The following SUGCT variants were observed in gnomAD, a reference collection of about 807,000 sequenced individuals.
SUGCT encodes the protein succinyl-CoA:glutarate-CoA transferase.
SUGCT carries 41 observed loss-of-function variants against 55.0 expected under a neutral mutation model. The ratio of observed to expected loss-of-function variants is 0.74; its 90% CI spans 0.58 to 0.97. The LOEUF (loss-of-function observed/expected upper bound fraction) is 0.97, where lower values mean the gene tolerates loss of function less well. Among genes scored for constraint, SUGCT ranks in the 50% least tolerant of loss-of-function variants. The pLI is 0.00. For synonymous variants in SUGCT, 187 were observed against 200.4 expected (o/e 0.93, Z 0.56); for missense variants, 568 against 547.8 (o/e 1.04, Z -0.37).
intron 7 of SUGCT, 81 bp downstream of exon 7, chr7:40,237,807 A>T (rs1789113293): frequency 8.8e-7 from 1 of 1,138,054 alleles, no homozygotes; most frequent in South Asian, 1.5e-5. Flanking sequence ...AACCCATAGG[A>T]TTAAATGAGT....
intron 13 of SUGCT, among the ~76,000 whole-genome samples, chr7:40,755,119 A>G (rs181353743): frequency 1.3e-4 from 20 of 152,294 alleles, no homozygotes; most frequent in Middle Eastern, 3.4e-3. Context: ...TAAGTTCTAA[A>G]ATAGAGCTAA....
the SUGCT span, among the ~76,000 whole-genome samples, chr7:40,946,663 G>A: frequency 2.0e-5 from 3 of 152,112 alleles, no homozygotes; most frequent in African/African-American, 7.2e-5. Context: ...GGTTTATCTA[G>A]GAATGTCTTT....
At chr7:40,283,692 G>A (rs1195906806) in intron 8 of SUGCT, among the ~76,000 whole-genome samples, 2 of 152,022 alleles carry the variant, frequency 1.3e-5, no homozygotes, top group African/African-American at 4.8e-5. Flanking sequence ...TGAGGGTGTG[G>A]AGAAAAAGGA....
the SUGCT span, among the ~76,000 whole-genome samples, chr7:40,995,458 G>A: frequency 3.3e-4 from 50 of 151,170 alleles, no homozygotes; most frequent in East Asian, 9.1e-3. Flanking sequence ...GACATTGATT[G>A]CTTTGTTTAC....
At chr7:40,706,394 C>G (rs1056740316) in intron 12 of SUGCT, among the ~76,000 whole-genome samples, 1 of 152,124 alleles carries the variant, frequency 6.6e-6, no homozygotes. Context: ...GTAGTCCCAT[C>G]TACTCGGGTG....
At chr7:40,495,204 G>C (rs1018900548) in intron 11 of SUGCT, among the ~76,000 whole-genome samples, 9 of 150,260 alleles carry the variant, frequency 6.0e-5, no homozygotes, top group Non-Finnish European at 1.2e-4. Flanking sequence ...GAGCCACCAC[G>C]CCCGGCTGAA....
chr7:40,229,511 C>A (rs1169867958), intron 6 of SUGCT, among the ~76,000 whole-genome samples: 1 of 145,954 alleles, frequency 6.9e-6, no homozygotes, highest in South Asian at 2.2e-4. Context: ...AGAGTGAGAC[C>A]CCGTCTCAAA....
intron 12 of SUGCT, among the ~76,000 whole-genome samples, chr7:40,636,987 G>A (rs139938026): frequency 2.0e-5 from 3 of 152,302 alleles, no homozygotes; most frequent in East Asian, 1.9e-4. Flanking sequence ...GACTTTTGCT[G>A]TGTGCTCCTG....
At chr7:41,029,807 A>G in the SUGCT span, among the ~76,000 whole-genome samples, 2 of 152,176 alleles carry the variant, frequency 1.3e-5, no homozygotes, top group Admixed American at 1.3e-4. Flanking sequence ...TGTGCTGTAT[A>G]TTCTATGAGT....
chr7:40,496,590 A>G (rs377111354), intron 12 of SUGCT, among the ~76,000 whole-genome samples: 89 of 152,332 alleles, frequency 5.8e-4, no homozygotes, highest in Middle Eastern at 3.4e-3. Context: ...TAGATTTAAT[A>G]TACTGTATTT....
the SUGCT span, among the ~76,000 whole-genome samples, chr7:40,866,091 T>C: frequency 2.0e-5 from 3 of 152,224 alleles, no homozygotes; most frequent in South Asian, 2.1e-4. Context: ...CCCTAGAACT[T>C]TGCACGAGTA....
rs774950218 is a variant in SUGCT at position 40,248,888 on chromosome 7, G to GCGCA, written c.576+11163_576+11164insGCAC. On this transcript the variant is annotated intron_variant, in intron 7 of 13. Transcript: ENST00000335693. ...CTCTTTCCAGCGCGCGCGCGCGCTC[G>GCGCA]CACACACACACACACACACACGCAC... Among the ~76,000 whole-genome samples, 462 of 135,570 alleles carry GCGCA rather than the reference G, an allele frequency of 3.4e-3. 3 individuals carry two copies. The highest frequency in any genetic ancestry group is 7.4e-3 in the African/African-American group (258 of 34,992). The allele number at this position is 135,570 out of a possible 152,430, so 88.9% of individuals were successfully genotyped here.
At chr7:40,850,784 A>G (rs1793810943) in intron 13 of SUGCT, among the ~76,000 whole-genome samples, 5 of 152,222 alleles carry the variant, frequency 3.3e-5, no homozygotes, top group Admixed American at 3.3e-4. Flanking sequence ...CTACAAGTTA[A>G]AACTTTTATC....
At chr7:40,493,771 T>C (rs367658380) in intron 11 of SUGCT, among the ~76,000 whole-genome samples, 66 of 152,338 alleles carry the variant, frequency 4.3e-4, no homozygotes, top group African/African-American at 1.5e-3. Context: ...AAATTTTTTT[T>C]AGCAGAATTT....
At chr7:40,896,684 C>T in the SUGCT span, among the ~76,000 whole-genome samples, 2 of 152,156 alleles carry the variant, frequency 1.3e-5, no homozygotes, top group Non-Finnish European at 2.9e-5. Flanking sequence ...GCCTCCCCAG[C>T]CCCATGGAAC....
intron 6 of SUGCT, among the ~76,000 whole-genome samples, chr7:40,199,605 T>C (rs904143135): frequency 6.6e-6 from 1 of 152,226 alleles, no homozygotes; most frequent in African/African-American, 2.4e-5. Context: ...CCCTCGTATC[T>C]TCTGAACATG....
intron 13 of SUGCT, among the ~76,000 whole-genome samples, chr7:40,852,529 G>T (rs191578608): frequency 4.4e-4 from 66 of 150,380 alleles, no homozygotes; most frequent in Non-Finnish European, 6.5e-4. Context: ...TATACCCTGT[G>T]CATACTATCC....
At chr7:40,961,988 T>G in the SUGCT span, among the ~76,000 whole-genome samples, 1 of 151,932 alleles carries the variant, frequency 6.6e-6, no homozygotes, top group Non-Finnish European at 1.5e-5. Context: ...GCTTCCACAA[T>G]GTGGAAGGGG....
At chr7:40,633,048 G>T (rs1325162675) in intron 12 of SUGCT, among the ~76,000 whole-genome samples, 1 of 152,180 alleles carries the variant, frequency 6.6e-6, no homozygotes, top group Non-Finnish European at 1.5e-5. Context: ...CTATCCCTAG[G>T]AGGATAGCTT....
Sources: allele counts gnomAD v4.1 joint callset (sites outside exome capture counted in the v4.1 genomes callset), GRCh38; gene constraint gnomAD v4.1.1; transcripts MANE v1.5; gene names NCBI Gene and HGNC (gene_info 2026-07-23, HGNC 2026-07-21).